The following SCN2A variants were observed in gnomAD, a reference collection of about 807,000 sequenced individuals.
The protein encoded by SCN2A is sodium voltage-gated channel alpha subunit 2.
SCN2A carries 20 observed loss-of-function variants against 188.7 expected under a neutral mutation model. That is an observed-to-expected ratio of 0.11 (90% confidence interval 0.07 to 0.15). The LOEUF (loss-of-function observed/expected upper bound fraction) is 0.15. SCN2A is among the 10% of genes least tolerant of loss of function. The probability of loss-of-function intolerance (pLI) is 1.00; values close to 1 mark genes in which losing one functional copy is unlikely to be tolerated. For synonymous variants in SCN2A, 804 were observed against 833.1 expected (o/e 0.97, Z 0.60); for missense variants, 1,278 against 2,445.0 (o/e 0.52, Z 10.07).
Position 165,327,122 on chromosome 2 carries a change from T to C in SCN2A, c.2149+138T>C, listed in dbSNP as rs1316752750. The C allele has an allele frequency of 5.4e-6, 6 of 1,108,866 alleles. No individual in the cohort carries two copies. In the Admixed American group the frequency reaches 1.2e-4, roughly 21 times the overall value. 68.7% of individuals were successfully genotyped at this position (1,108,866 alleles called of 1,614,324 possible). On this transcript the variant is annotated intron_variant, in intron 13 of 26. Coordinates refer to ENST00000375437, the MANE Select transcript of SCN2A (RefSeq NM_001040142.2). ...TTTTACTAAATAACAGTAAAATCCG[T>C]GCATAACTCATGGATTCTATTATCT...
rs1700782112 is a variant in SCN2A, at chr2:165,367,311, G to T, written c.3615G>T (p.Val1205=). 1 of 1,614,160 alleles carries T rather than the reference G, an allele frequency of 6.2e-7. No individual in the cohort carries two copies. The highest frequency in any genetic ancestry group is 8.5e-7 in the Non-Finnish European group (1 of 1,180,008). ...TGAGGAAAACATGCTATAAGATAGT[G>T]GAGCACAATTGGTTCGAAACCTTCA... ...WNLRKTCYKI[V]EHNWFETFIV... is the part of the protein sequence containing the mutation. The change falls in exon 19 of 27, where the codon GTG becomes GTT. Residue 1205 remains valine, a synonymous_variant. Transcript: ENST00000375437.
chr2:165,243,291 C>T (rs1053904486), intron 1 of SCN2A, among the ~76,000 whole-genome samples: 12 of 152,048 alleles, frequency 7.9e-5, no homozygotes, highest in African/African-American at 2.7e-4. Context: ...GCACGTTCAC[C>T]AGGACTTGTG....
intron 19 of SCN2A, among the ~76,000 whole-genome samples, chr2:165,369,447 G>C (rs961875992): frequency 6.6e-6 from 1 of 152,160 alleles, no homozygotes; most frequent in Non-Finnish European, 1.5e-5. Context: ...CTGGTTACAA[G>C]CCCTGATTCT....
chr2:165,291,495 C>CTTTCTTTCTTTCT lies in SCN2A; in HGVS notation c.-51-4275_-51-4263dup, dbSNP rs1559340357. Among the ~76,000 whole-genome samples, 388 of 44,160 alleles carry CTTTCTTTCTTTCT rather than the reference C, an allele frequency of 8.8e-3. 4 individuals are homozygous for CTTTCTTTCTTTCT. Among genetic ancestry groups the CTTTCTTTCTTTCT allele is most frequent in the Middle Eastern group, 0.033 (3 of 90 alleles). The allele number at this position is 44,160 out of a possible 152,430, so 29.0% of individuals were successfully genotyped here. On this transcript the variant is annotated intron_variant, in intron 1 of 26. Transcript: ENST00000375437. ...CTTTCTTTCTTTCTTTCTTTCTTTT[C>CTTTCTTTCTTTCT]TTTCTTTCTTTCTTTCTTCCTCTCC...
intron 17 of SCN2A, among the ~76,000 whole-genome samples, chr2:165,360,017 A>C (rs1700377792): frequency 6.6e-6 from 1 of 151,978 alleles, no homozygotes; most frequent in Non-Finnish European, 1.5e-5. Flanking sequence ...TTTAGTTCTC[A>C]GAAACCAAAA....
At chr2:165,281,535 G>A (rs1170594388) in intron 1 of SCN2A, among the ~76,000 whole-genome samples, 1 of 152,072 alleles carries the variant, frequency 6.6e-6, no homozygotes, top group Non-Finnish European at 1.5e-5. Flanking sequence ...CAGGGCAGGA[G>A]ACGACATGAG....
At chr2:165,273,575 TTCTC>T (rs1237873697) in intron 1 of SCN2A, 1 of 151,948 alleles carries the variant, frequency 6.6e-6, no homozygotes, top group African/African-American at 2.4e-5. Flanking sequence ...ACTAAAACCA[TTCTC>T]TCTCTCTCCC....
At chr2:165,375,198 T>G (rs529971804) in intron 22 of SCN2A, among the ~76,000 whole-genome samples, 280 of 152,084 alleles carry the variant, frequency 1.8e-3, no homozygotes, top group African/African-American at 6.7e-3. Flanking sequence ...AAACTAAAAA[T>G]AGAACCACTA....
intron 1 of SCN2A, among the ~76,000 whole-genome samples, chr2:165,250,666 A>C (rs1457916774): frequency 6.6e-6 from 1 of 152,012 alleles, no homozygotes; most frequent in Non-Finnish European, 1.5e-5. Context: ...TACACAGCCT[A>C]ACTTCCCCAC....
At chr2:165,324,630 G>C (rs1361069547) in intron 12 of SCN2A, among the ~76,000 whole-genome samples, 1 of 152,052 alleles carries the variant, frequency 6.6e-6, no homozygotes, top group Admixed American at 6.5e-5. Flanking sequence ...AGATAACCAT[G>C]TACCAGACAC....
At chr2:165,354,975 C>T (rs914380617) in intron 17 of SCN2A, among the ~76,000 whole-genome samples, 1 of 152,144 alleles carries the variant, frequency 6.6e-6, no homozygotes, top group Non-Finnish European at 1.5e-5. Flanking sequence ...CTCAATTTCT[C>T]CACTTTCTTC....
rs1016027146 is a variant in SCN2A, at chr2:165,315,840, C to T, written c.1671+82C>T. The T allele has an allele frequency of 2.7e-6, 4 of 1,465,300 alleles. No individual in the cohort carries two copies. In the African/African-American group the frequency reaches 5.6e-5, roughly 21 times the overall value. 90.8% of individuals were successfully genotyped at this position (1,465,300 alleles called of 1,614,324 possible). The stretch of plus-strand genomic sequence containing the variant: ...CAGAATTTAATGGAGAGAAAACCGC[C>T]TTCCACCTGGATGGCACAATGCTTT... On this transcript the variant is annotated intron_variant, in intron 11 of 26. Coordinates refer to ENST00000375437, the MANE Select transcript of SCN2A (RefSeq NM_001040142.2).
intron 16 of SCN2A, 145 bp downstream of exon 16, chr2:165,345,056 G>A (rs537655530): frequency 2.8e-5 from 29 of 1,022,548 alleles, no homozygotes; most frequent in Non-Finnish European, 1.5e-6. Context: ...GCCATGTATA[G>A]TTTAGACCAT....
intron 17 of SCN2A, among the ~76,000 whole-genome samples, chr2:165,363,208 A>G (rs186144987): frequency 9.9e-5 from 15 of 152,230 alleles, no homozygotes; most frequent in Admixed American, 8.5e-4. Flanking sequence ...AAAATTTATT[A>G]AGACCTGTAA....
chr2:165,280,185 TTG>T (rs2106119114), intron 1 of SCN2A, among the ~76,000 whole-genome samples: 1 of 152,290 alleles, frequency 6.6e-6, no homozygotes, highest in East Asian at 1.9e-4. Context: ...CAATGGTAAT[TTG>T]TCTTGCAAGG....
chr2:165,301,688 TAGC>T (rs1696816498), intron 3 of SCN2A, among the ~76,000 whole-genome samples: 2 of 152,220 alleles, frequency 1.3e-5, no homozygotes, highest in African/African-American at 4.8e-5. Flanking sequence ...GCTAAAATTC[TAGC>T]AGCAACTGCT....
At chr2:165,363,291 A>G (rs1574686452) in intron 17 of SCN2A, among the ~76,000 whole-genome samples, 1 of 152,158 alleles carries the variant, frequency 6.6e-6, no homozygotes, top group East Asian at 1.9e-4. Context: ...AGAACCCTGA[A>G]TATGGATCCT....
chr2:165,339,241 A>G (rs1384641009), intron 14 of SCN2A, among the ~76,000 whole-genome samples: 1 of 151,298 alleles, frequency 6.6e-6, no homozygotes, highest in Non-Finnish European at 1.5e-5. Context: ...AAAAAAAAAA[A>G]GAAAAAGAAA....
At position 165,344,635 on chromosome 2, in the gene SCN2A, A is replaced by G. The variant is rs777805952; in HGVS notation, c.2643A>G (p.Leu881=). ...TCATTGGCAATTCTGTGGGGGCTCT[A>G]GGAAACCTCACCTTGGTATTGGCCA... ...IKIIGNSVGA[L]GNLTLVLAII... is the part of the protein sequence containing the mutation. The change falls in exon 16 of 27, where the codon CTA becomes CTG. Residue 881 remains leucine (L), a synonymous_variant. Coordinates refer to ENST00000375437, the MANE Select transcript of SCN2A (RefSeq NM_001040142.2). 26 of 1,613,996 alleles carry G rather than the reference A, an allele frequency of 1.6e-5. No homozygotes were observed. The East Asian group carries it at 4.0e-4, about 25-fold the overall frequency.
Sources: gnomAD v4.1 joint callset for allele counts (sites outside exome capture counted in the v4.1 genomes callset) on GRCh38, gnomAD v4.1.1 for gene constraint, MANE v1.5 for transcripts, NCBI Gene and HGNC (gene_info 2026-07-23, HGNC 2026-07-21) for gene names.